CDH4: variants seen among roughly 807,000 people sequenced by gnomAD.
CDH4 encodes cadherin 4.
A neutral mutation model predicts 86.0 loss-of-function variants in CDH4; 33 were observed. The ratio of observed to expected loss-of-function variants is 0.38; its 90% CI spans 0.29 to 0.51. The LOEUF is 0.51. Among genes scored for constraint, CDH4 ranks in the 20% least tolerant of loss-of-function variants. The pLI is 0.86. For missense variants in CDH4, 1,114 were observed against 1,307.4 expected, an observed-to-expected ratio of 0.85 and a Z score of 2.28; for synonymous variants, 555 against 549.4, an observed-to-expected ratio of 1.01 and a Z score of -0.14.
Position 61,924,475 on chromosome 20 carries a change from T to C in CDH4, c.1770T>C (p.Asn590=), listed in dbSNP as rs759497791. The change falls in exon 11 of 16, where the codon AAT becomes AAC. Residue 590 remains asparagine, a splice_region_variant and synonymous_variant. Transcript: ENST00000614565. ...VYEATFLAAD[N]GIPPASGTGT... is the part of the protein sequence containing the mutation. ...AGGCCACCTTCCTGGCAGCTGACAATGGTGCGGCCCACCCCAGGGAGGCAG... is the reference window on the plus strand; with the variant it reads ...AGGCCACCTTCCTGGCAGCTGACAACGGTGCGGCCCACCCCAGGGAGGCAG... 5 of 1,612,592 alleles carry C rather than the reference T, an allele frequency of 3.1e-6. No individual in the cohort carries two copies. Among genetic ancestry groups the C allele is most frequent in the South Asian group, 2.2e-5 (2 of 90,964 alleles).
intron 4 of CDH4, among the ~76,000 whole-genome samples, chr20:61,840,509 A>G (rs144446724): frequency 2.6e-5 from 4 of 152,344 alleles, no homozygotes; most frequent in African/African-American, 4.8e-5. Flanking sequence ...CTGGGTGAAC[A>G]CTATCGCGGA....
chr20:61,571,853 T>G (rs1374695649), intron 2 of CDH4, among the ~76,000 whole-genome samples: 1 of 143,474 alleles, frequency 7.0e-6, no homozygotes, highest in East Asian at 2.3e-4. Context: ...CACCACACCA[T>G]GCAATATCAC....
At chr20:61,433,471 G>A (rs375019546) in intron 2 of CDH4, among the ~76,000 whole-genome samples, 27 of 151,282 alleles carry the variant, frequency 1.8e-4, no homozygotes, top group Middle Eastern at 3.4e-3. Flanking sequence ...TAGGTCATTT[G>A]CATTTTCCTA....
At chr20:61,670,328 G>C (rs1329055158) in intron 2 of CDH4, among the ~76,000 whole-genome samples, 8 of 152,160 alleles carry the variant, frequency 5.3e-5, no homozygotes, top group Admixed American at 5.2e-4. Flanking sequence ...GAGAAAAACT[G>C]TTTTCTTCCC....
intron 2 of CDH4, among the ~76,000 whole-genome samples, chr20:61,374,354 G>T (rs1180834353): frequency 2.0e-5 from 3 of 152,142 alleles, no homozygotes; most frequent in Non-Finnish European, 4.4e-5. Context: ...GGTGACTAGG[G>T]CACCCCATCT....
chr20:61,584,259 C>T (rs2145723357), intron 2 of CDH4, among the ~76,000 whole-genome samples: 1 of 152,312 alleles, frequency 6.6e-6, no homozygotes, highest in South Asian at 2.1e-4. Flanking sequence ...ACAGCTCTTG[C>T]ACGTGCCTTC....
At chr20:61,437,760 A>G (rs2085292769) in intron 2 of CDH4, among the ~76,000 whole-genome samples, 1 of 152,126 alleles carries the variant, frequency 6.6e-6, no homozygotes, top group African/African-American at 2.4e-5. Context: ...CCCTTTCATG[A>G]CTGCCCTGAT....
chr20:61,724,286 G>A (rs951665518), intron 2 of CDH4, among the ~76,000 whole-genome samples: 25 of 152,194 alleles, frequency 1.6e-4, no homozygotes, highest in South Asian at 1.2e-3. Context: ...GGCACTTACC[G>A]TGCCAGCAGC....
intron 3 of CDH4, among the ~76,000 whole-genome samples, chr20:61,761,939 C>T (rs959615181): frequency 1.3e-5 from 2 of 151,910 alleles, no homozygotes; most frequent in Admixed American, 6.5e-5. Context: ...CAGGCAGCGC[C>T]GCACGGCAGG....
intron 2 of CDH4, among the ~76,000 whole-genome samples, chr20:61,596,424 T>G (rs2086557910): frequency 6.6e-6 from 1 of 152,022 alleles, no homozygotes; most frequent in Admixed American, 6.6e-5. Flanking sequence ...AGGAAGGGTG[T>G]CAGGAGAGGC....
rs142421453 is a variant in CDH4 at position 61,934,195 on chromosome 20, G to T, written c.2519G>T (p.Gly840Val). The stretch of plus-strand genomic sequence containing the variant: ...ATCAGGCCCATGGTGCCGCACCCAG[G>T]CGACATCGGTGACTTCATCAATGAG... Reference protein sequence around the residue: ...YPIRPMVPHPGDIGDFINEGL... With the variant: ...YPIRPMVPHPVDIGDFINEGL... The change falls in exon 15 of 16, where the codon GGC (glycine) becomes GTC (valine). Residue 840 changes from glycine to valine, a missense_variant. By Grantham distance (109) the Gly-to-Val change is moderately radical. Coordinates refer to ENST00000614565, the MANE Select transcript of CDH4 (RefSeq NM_001794.5). The T allele has an allele frequency of 6.3e-7, 1 of 1,576,042 alleles. No individual in the cohort carries two copies. Among genetic ancestry groups the T allele is most frequent in the Admixed American group, 1.8e-5 (1 of 56,576 alleles).
chr20:61,581,121 C>T (rs1186264283), intron 2 of CDH4, among the ~76,000 whole-genome samples: 2 of 152,206 alleles, frequency 1.3e-5, no homozygotes, highest in Non-Finnish European at 2.9e-5. Flanking sequence ...CAGGAGTCGC[C>T]TTGCTTCCCG....
intron 6 of CDH4, among the ~76,000 whole-genome samples, chr20:61,865,164 G>A (rs887619729): frequency 2.0e-5 from 3 of 150,630 alleles, no homozygotes; most frequent in Admixed American, 6.6e-5. Context: ...TGCATCCCTC[G>A]CTGCATCCGG....
chr20:61,821,689 C>A (rs1601023467), intron 4 of CDH4, among the ~76,000 whole-genome samples: 1 of 152,256 alleles, frequency 6.6e-6, no homozygotes, highest in Non-Finnish European at 1.5e-5. Context: ...TCCTGAAAGA[C>A]CCTTGGGGGG....
At chr20:61,665,236 G>A (rs1175402312) in intron 2 of CDH4, among the ~76,000 whole-genome samples, 1 of 152,248 alleles carries the variant, frequency 6.6e-6, no homozygotes, top group Non-Finnish European at 1.5e-5. Flanking sequence ...CTGGTGGGCT[G>A]GGGGCGGCCT....
Position 61,600,068 on chromosome 20 carries a change from A to C in CDH4, c.170-143495A>C, listed in dbSNP as rs192132958. 5 of 589,718 alleles carry C rather than the reference A, an allele frequency of 8.5e-6. No homozygotes were observed. The East Asian group carries it at 7.2e-4, about 85-fold the overall frequency. 36.5% of individuals were successfully genotyped at this position (589,718 alleles called of 1,614,324 possible). A position where few individuals can be genotyped will look rare whatever the true frequency, so the allele number is the denominator to read the frequency against. ...CCTCTCTATTTGAACAGACTGTCTG[A>C]CTCTCCGGGGATGGTTTTCAAAACC... On this transcript the variant is annotated intron_variant, in intron 2 of 15. Transcript: ENST00000614565.
chr20:61,565,282 TGGG>T (rs2086276989), intron 2 of CDH4, among the ~76,000 whole-genome samples: 1 of 106,576 alleles, frequency 9.4e-6, no homozygotes, highest in African/African-American at 3.7e-5. Context: ...CTCTTGGTGA[TGGG>T]GTGATGGTGG....
At chr20:61,365,375 C>T (rs758131180) in intron 2 of CDH4, among the ~76,000 whole-genome samples, 5 of 152,076 alleles carry the variant, frequency 3.3e-5, no homozygotes, top group Admixed American at 1.3e-4. Context: ...AGAACATGGG[C>T]GTGGCTGGTC....
chr20:61,369,538 T>A (rs749439596), intron 2 of CDH4, among the ~76,000 whole-genome samples: 3 of 151,162 alleles, frequency 2.0e-5, no homozygotes, highest in Non-Finnish European at 4.4e-5. Context: ...GAAGATGGCA[T>A]TGCATCTTGC....
Sources: gnomAD v4.1 joint callset for allele counts (sites outside exome capture counted in the v4.1 genomes callset) on GRCh38, gnomAD v4.1.1 for gene constraint, MANE v1.5 for transcripts, NCBI Gene and HGNC (gene_info 2026-07-23, HGNC 2026-07-21) for gene names.